Variants in ANKS1B observed in about 807,000 individuals in gnomAD.
ANKS1B encodes the protein ankyrin repeat and sterile alpha motif domain containing 1B.
A neutral mutation model predicts 148.3 loss-of-function variants in ANKS1B; 36 were observed. The observed-to-expected ratio is 0.24, with a 90% confidence interval of 0.19 to 0.32. The LOEUF (loss-of-function observed/expected upper bound fraction) is 0.32. Among genes scored for constraint, ANKS1B ranks in the 10% least tolerant of loss-of-function variants. ANKS1B has a pLI of 1.00. For missense variants in ANKS1B, 1,157 were observed against 1,542.6 expected (o/e 0.75, Z 4.19); for synonymous variants, 542 against 560.8 (o/e 0.97, Z 0.47).
intron 17 of ANKS1B, among the ~76,000 whole-genome samples, chr12:99,012,019 T>C (rs1374388333): frequency 6.6e-6 from 1 of 152,152 alleles, no homozygotes; most frequent in Non-Finnish European, 1.5e-5. Context: ...GGTGGTGGAC[T>C]GAGGTAGCTG....
intron 17 of ANKS1B, among the ~76,000 whole-genome samples, chr12:98,936,561 A>T (rs955687448): frequency 6.6e-6 from 1 of 152,042 alleles, no homozygotes; most frequent in Non-Finnish European, 1.5e-5. Flanking sequence ...CAGGAGGTGG[A>T]GGTTGCAGTG....
chr12:99,491,154 A>C (rs1004185306), intron 10 of ANKS1B, among the ~76,000 whole-genome samples: 1 of 152,008 alleles, frequency 6.6e-6, no homozygotes, highest in African/African-American at 2.4e-5. Context: ...AAATACAAAA[A>C]ATTAGCTGGG....
intron 12 of ANKS1B, among the ~76,000 whole-genome samples, chr12:99,315,663 A>G (rs2083941402): frequency 6.6e-6 from 1 of 152,154 alleles, no homozygotes; most frequent in Non-Finnish European, 1.5e-5. Context: ...TGCAAGCACA[A>G]CCACTATCTA....
chr12:99,577,336 A>T (rs1223968865), intron 9 of ANKS1B, among the ~76,000 whole-genome samples: 4 of 147,172 alleles, frequency 2.7e-5, no homozygotes, highest in Middle Eastern at 3.4e-3. Context: ...AATAAATAAA[A>T]GCAAACCAAC....
intron 1 of ANKS1B, among the ~76,000 whole-genome samples, chr12:99,980,881 T>C (rs2095691920): frequency 6.6e-6 from 1 of 151,966 alleles, no homozygotes; most frequent in South Asian, 2.1e-4. Flanking sequence ...AAAGAAAAAT[T>C]TTAAAATAAT....
At chr12:99,324,184 A>G (rs1263574375) in intron 12 of ANKS1B, among the ~76,000 whole-genome samples, 1 of 152,202 alleles carries the variant, frequency 6.6e-6, no homozygotes, top group Non-Finnish European at 1.5e-5. Flanking sequence ...CTATACACCT[A>G]AAATAACAAC....
At chr12:99,829,046 G>T (rs887376208) in intron 1 of ANKS1B, among the ~76,000 whole-genome samples, 19 of 152,026 alleles carry the variant, frequency 1.2e-4, no homozygotes, top group African/African-American at 4.6e-4. Flanking sequence ...AAAAGGCAAA[G>T]ATATAGACAA....
intron 1 of ANKS1B, among the ~76,000 whole-genome samples, chr12:99,937,336 C>T (rs2094804429): frequency 6.6e-6 from 1 of 152,174 alleles, no homozygotes; most frequent in African/African-American, 2.4e-5. Flanking sequence ...AACAGCATAG[C>T]TTTGGTGTAA....
At chr12:99,299,031 C>G (rs891728084) in intron 12 of ANKS1B, among the ~76,000 whole-genome samples, 2 of 150,622 alleles carry the variant, frequency 1.3e-5, no homozygotes, top group African/African-American at 4.9e-5. Context: ...ATTTTGGCCA[C>G]AGGCCATTTA....
chr12:99,035,196 C>A (rs1256048112), intron 17 of ANKS1B, among the ~76,000 whole-genome samples: 1 of 152,164 alleles, frequency 6.6e-6, no homozygotes, highest in Admixed American at 6.5e-5. Context: ...AGAAACCAGA[C>A]CCCTTCTTCC....
intron 12 of ANKS1B, among the ~76,000 whole-genome samples, chr12:99,395,470 A>G (rs1454715743): frequency 6.6e-6 from 1 of 152,074 alleles, no homozygotes; most frequent in African/African-American, 2.4e-5. Flanking sequence ...TCCTTGAAAT[A>G]TTTCCCCTCA....
chr12:98,766,988 T>G (rs1482099941), intron 25 of ANKS1B, among the ~76,000 whole-genome samples: 1 of 151,566 alleles, frequency 6.6e-6, no homozygotes, highest in Non-Finnish European at 1.5e-5. Flanking sequence ...ATTAATTTTT[T>G]TTTTTTTTTT....
rs371087179 is a variant in ANKS1B, at chr12:98,831,799, A to G, written c.2886+230T>C. ...TTTCTTACTCTGTTGCCCAGGCTGG[A>G]GTGCAGTGGTGCGATCTCTGCTCAC... On this transcript the variant is annotated intron_variant, in intron 18 of 26. Coordinates refer to ENST00000683438, the MANE Select transcript of ANKS1B (RefSeq NM_001352186.2). The G allele has an allele frequency of 1.5e-5, 8 of 526,830 alleles. No individual in the cohort carries two copies. In the South Asian group the frequency reaches 1.6e-4, roughly 11 times the overall value. The allele number at this position is 526,830 out of a possible 1,614,324, so 32.6% of individuals were successfully genotyped here.
chr12:99,643,611 C>T (rs1402280693), intron 9 of ANKS1B, among the ~76,000 whole-genome samples: 1 of 152,174 alleles, frequency 6.6e-6, no homozygotes. Context: ...GTTTCATAAG[C>T]CTATTTCCTG....
chr12:99,541,098 T>C (rs1251389477), intron 9 of ANKS1B, among the ~76,000 whole-genome samples: 1 of 152,150 alleles, frequency 6.6e-6, no homozygotes, highest in East Asian at 1.9e-4. Flanking sequence ...CGTAGACCTA[T>C]AACAAGTAAG....
At chr12:98,787,901 C>CT (rs1490771034) in intron 22 of ANKS1B, among the ~76,000 whole-genome samples, 1 of 147,888 alleles carries the variant, frequency 6.8e-6, no homozygotes, top group African/African-American at 2.5e-5. Context: ...GCCTGGGTGA[C>CT]AGAGCGAGAC....
In ANKS1B at chr12:99,825,458, C is replaced by T. The variant is rs562180580; in HGVS notation, c.135-69G>A. The T allele has an allele frequency of 1.7e-5, 21 of 1,222,804 alleles. No homozygotes were observed. In the South Asian group the frequency reaches 2.8e-4, roughly 16 times the overall value. 75.7% of individuals were successfully genotyped at this position (1,222,804 alleles called of 1,614,324 possible). The stretch of plus-strand genomic sequence containing the variant: ...CTTGCCTTGAAAAACAAAAAGAAGG[C>T]TGGTAGCCCCACAGTCAGCAGCAGG... On this transcript the variant is annotated intron_variant, in intron 1 of 26. Transcript: ENST00000683438.
chr12:99,390,916 G>A (rs762508409), intron 12 of ANKS1B, among the ~76,000 whole-genome samples: 16 of 152,198 alleles, frequency 1.1e-4, no homozygotes, highest in African/African-American at 3.9e-4. Flanking sequence ...GACTCAGAGG[G>A]ACCACTTTGC....
At chr12:99,864,978 C>T (rs1174281635) in intron 1 of ANKS1B, among the ~76,000 whole-genome samples, 4 of 152,168 alleles carry the variant, frequency 2.6e-5, no homozygotes, top group Admixed American at 2.0e-4. Context: ...GTTTATGCCT[C>T]GTAACGTTTG....
Sources: gnomAD v4.1 joint callset for allele counts (sites outside exome capture counted in the v4.1 genomes callset) on GRCh38, gnomAD v4.1.1 for gene constraint, MANE v1.5 for transcripts, NCBI Gene and HGNC (gene_info 2026-07-23, HGNC 2026-07-21) for gene names.